MRTFB: variants seen among roughly 807,000 people sequenced by gnomAD.
MRTFB encodes the protein myocardin related transcription factor B.
Under a neutral mutation model 104.2 loss-of-function variants are expected in MRTFB, and 29 were observed. That is an observed-to-expected ratio of 0.28 (90% CI 0.21 to 0.38). MRTFB has a LOEUF of 0.38. Among genes scored for constraint, MRTFB ranks in the 10% least tolerant of loss-of-function variants. MRTFB has a pLI of 1.00. For missense variants in MRTFB, 1,270 were observed against 1,341.6 expected (o/e 0.95, Z 0.83); for synonymous variants, 535 against 519.5 (o/e 1.03, Z -0.41).
intron 3 of MRTFB, among the ~76,000 whole-genome samples, chr16:14,183,128 A>G (rs1293470642): frequency 1.3e-5 from 2 of 152,214 alleles, no homozygotes; most frequent in Non-Finnish European, 2.9e-5. Context: ...CAAAATATAC[A>G]TCATCAGTTT....
At chr16:14,088,225 G>A (rs1361939585) in intron 2 of MRTFB, among the ~76,000 whole-genome samples, 4 of 152,108 alleles carry the variant, frequency 2.6e-5, no homozygotes, top group African/African-American at 9.7e-5. Flanking sequence ...ATTTTATGGT[G>A]GGAATGTACA....
intron 7 of MRTFB, 131 bp from the exon 8 acceptor site, chr16:14,218,689 G>T (rs1164877542): frequency 3.6e-6 from 3 of 827,218 alleles, no homozygotes; most frequent in South Asian, 4.0e-5. Context: ...GCACTGGGAG[G>T]TACATTGTGT....
At chr16:14,089,695 G>C (rs145175893) in intron 2 of MRTFB, among the ~76,000 whole-genome samples, 5 of 152,286 alleles carry the variant, frequency 3.3e-5, no homozygotes, top group South Asian at 2.1e-4. Context: ...ACTTTTTGAG[G>C]AAATGCCCAA....
intron 3 of MRTFB, among the ~76,000 whole-genome samples, chr16:14,184,011 A>G (rs539230751): frequency 1.3e-5 from 2 of 149,168 alleles, no homozygotes; most frequent in African/African-American, 4.9e-5. Flanking sequence ...TGAGATTTAT[A>G]GGATTGTGAC....
intron 3 of MRTFB, among the ~76,000 whole-genome samples, chr16:14,203,046 A>C (rs2040777608): frequency 6.6e-6 from 1 of 152,202 alleles, no homozygotes; most frequent in Non-Finnish European, 1.5e-5. Context: ...TTTATTACCT[A>C]GTACTGACTT....
chr16:14,015,717 CTGATCGGTTA>C, the MRTFB span: 1 of 384,838 alleles, frequency 2.6e-6, no homozygotes, highest in South Asian at 1.5e-4. Flanking sequence ...CCGCACACAG[CTGATCGGTTA>C]ATAATGCAGC....
intron 3 of MRTFB, among the ~76,000 whole-genome samples, chr16:14,159,844 G>C (rs1239241122): frequency 6.8e-6 from 1 of 147,972 alleles, no homozygotes; most frequent in East Asian, 2.0e-4. Context: ...GCAGGAGAAT[G>C]GCGTGAACCC....
chr16:14,019,608 C>A, the MRTFB span: 1 of 152,180 alleles, frequency 6.6e-6, no homozygotes, highest in Admixed American at 6.5e-5. Context: ...TCCTCCATGA[C>A]CCACATACTT....
intron 6 of MRTFB, among the ~76,000 whole-genome samples, chr16:14,214,498 A>G (rs2041331192): frequency 6.6e-6 from 1 of 152,216 alleles, no homozygotes; most frequent in Admixed American, 6.5e-5. Context: ...TCAACATAAG[A>G]AGTAATATCT....
chr16:14,093,662 C>T (rs1262663533), intron 2 of MRTFB, among the ~76,000 whole-genome samples: 1 of 152,084 alleles, frequency 6.6e-6, no homozygotes, highest in Non-Finnish European at 1.5e-5. Context: ...GAACAAATAT[C>T]TAATAGACTA....
chr16:14,261,488 T>C lies in MRTFB; in HGVS notation c.*44T>C. 1.3e-6 allele frequency: 2 copies of C among 1,520,254 alleles called. No homozygotes were observed. The highest frequency in any genetic ancestry group is 3.6e-4 in the Middle Eastern group (2 of 5,586). The allele number at this position is 1,520,254 out of a possible 1,614,324, so 94.2% of individuals were successfully genotyped here. On this transcript the variant is annotated 3_prime_UTR_variant, in exon 17 of 17. Coordinates refer to ENST00000571589, the MANE Select transcript of MRTFB (RefSeq NM_001308142.2). ...TGAGAGTTGATGAGGTTTAAGAACA[T>C]GAAGATTCTAAAAGGTCAGTTTTTA...
chr16:14,031,342 C>T, the MRTFB span, among the ~76,000 whole-genome samples: 25 of 150,208 alleles, frequency 1.7e-4, no homozygotes, highest in African/African-American at 5.9e-4. Flanking sequence ...TGCAGTGAGC[C>T]GAGATTGTGC....
intron 3 of MRTFB, among the ~76,000 whole-genome samples, chr16:14,209,509 G>T (rs1047340386): frequency 1.3e-5 from 2 of 152,056 alleles, no homozygotes; most frequent in Non-Finnish European, 2.9e-5. Context: ...ATATGTAGAT[G>T]CTTATAAAAG....
chr16:14,194,311 C>T (rs779018955), intron 3 of MRTFB, among the ~76,000 whole-genome samples: 1 of 152,216 alleles, frequency 6.6e-6, no homozygotes, highest in Non-Finnish European at 1.5e-5. Flanking sequence ...TGGGTCTCTT[C>T]CAGGCTTGTA....
At chr16:14,189,396 C>T (rs1337369135) in intron 3 of MRTFB, among the ~76,000 whole-genome samples, 3 of 152,056 alleles carry the variant, frequency 2.0e-5, no homozygotes, top group African/African-American at 7.2e-5. Context: ...GGTCCTGCAT[C>T]GTTTACATGA....
In MRTFB at chr16:14,258,114, A is replaced by C. The variant is rs761060291; in HGVS notation, c.2717A>C (p.His906Pro). ...QAPLPEISNA[H>P]SQQMDDLFDI... The stretch of plus-strand genomic sequence containing the variant: ...CCTTCATTGTAGATTTCCAACGCTC[A>C]CAGTCAGCAGATGGATGACCTCTTT... Residue 906 changes from histidine to proline, a missense_variant, in exon 16 of 17, where the codon CAC (histidine) becomes CCC (proline). By Grantham distance (77) the His-to-Pro change is moderately conservative. Coordinates refer to ENST00000571589, the MANE Select transcript of MRTFB (RefSeq NM_001308142.2). The C allele has an allele frequency of 6.2e-7, 1 of 1,613,984 alleles. No homozygotes were observed. Among genetic ancestry groups the C allele is most frequent in the East Asian group, 2.2e-5 (1 of 44,868 alleles).
At chr16:14,005,067 A>T in the MRTFB span, among the ~76,000 whole-genome samples, 54 of 152,366 alleles carry the variant, frequency 3.5e-4, no homozygotes, top group South Asian at 0.01. Flanking sequence ...GGCTACATCC[A>T]GATCCTCACA....
At chr16:14,244,722 T>C (rs1384230909) in intron 10 of MRTFB, among the ~76,000 whole-genome samples, 2 of 151,914 alleles carry the variant, frequency 1.3e-5, no homozygotes, top group African/African-American at 2.4e-5. Flanking sequence ...CTGAGATTTT[T>C]CCCCCCACTT....
At chr16:14,171,918 A>G (rs1177813806) in intron 3 of MRTFB, among the ~76,000 whole-genome samples, 3 of 152,188 alleles carry the variant, frequency 2.0e-5, no homozygotes, top group Non-Finnish European at 4.4e-5. Flanking sequence ...TCTGTATTCA[A>G]AAGTTGTTAA....
Sources: allele counts gnomAD v4.1 joint callset (sites outside exome capture counted in the v4.1 genomes callset), GRCh38; gene constraint gnomAD v4.1.1; transcripts MANE v1.5; gene names NCBI Gene and HGNC (gene_info 2026-07-23, HGNC 2026-07-21).